Variants in SARDH observed in about 807,000 individuals in gnomAD.
The protein encoded by SARDH is sarcosine dehydrogenase.
In SARDH, 95 loss-of-function variants were observed where a neutral mutation model predicts 109.1. The observed-to-expected ratio is 0.87, with a 90% CI of 0.74 to 1.03. The LOEUF is 1.03. SARDH is among the 50% of genes least tolerant of loss of function. The probability of loss-of-function intolerance (pLI) is 0.00; values close to 1 mark genes in which losing one functional copy is unlikely to be tolerated. For synonymous variants in SARDH, 572 were observed against 534.8 expected, an observed-to-expected ratio of 1.07 and a Z score of -0.96; for missense variants, 1,267 against 1,287.8, an observed-to-expected ratio of 0.98 and a Z score of 0.25.
chr9:133,701,115 G>C (rs1433240227), intron 13 of SARDH, among the ~76,000 whole-genome samples: 1 of 152,250 alleles, frequency 6.6e-6, no homozygotes, highest in Non-Finnish European at 1.5e-5. Context: ...GTGCAGGGGT[G>C]CACTGACCCT....
At chr9:133,669,504 C>T (rs1195780167) in intron 19 of SARDH, among the ~76,000 whole-genome samples, 2 of 151,534 alleles carry the variant, frequency 1.3e-5, no homozygotes, top group African/African-American at 2.4e-5. Context: ...CACGGGAGGG[C>T]CTCTGATCAG....
intron 20 of SARDH, among the ~76,000 whole-genome samples, chr9:133,665,542 A>G (rs1277535962): frequency 6.6e-6 from 1 of 152,220 alleles, no homozygotes; most frequent in Non-Finnish European, 1.5e-5. Flanking sequence ...CTGAGGCTCC[A>G]AGAGAGGATC....
intron 15 of SARDH, 125 bp downstream of exon 15, chr9:133,694,133 G>A (rs1031130735): frequency 3.8e-5 from 26 of 684,708 alleles, no homozygotes; most frequent in South Asian, 2.0e-4. Context: ...TGACCACAGC[G>A]GGCACAACAG....
chr9:133,723,685 C>CTT (rs1832399613), intron 6 of SARDH, among the ~76,000 whole-genome samples: 1 of 152,176 alleles, frequency 6.6e-6, no homozygotes, highest in African/African-American at 2.4e-5. Flanking sequence ...ATGGCATGAA[C>CTT]CCAGGAGGCA....
At chr9:133,701,706 G>T (rs1481751855) in intron 13 of SARDH, among the ~76,000 whole-genome samples, 1 of 152,196 alleles carries the variant, frequency 6.6e-6, no homozygotes, top group Non-Finnish European at 1.5e-5. Flanking sequence ...GCACTGAGCC[G>T]GCCCTGCTGC....
At chr9:133,665,079 ACTGTAGCATTTGCCCATTT>A (rs1268526585) in intron 20 of SARDH, among the ~76,000 whole-genome samples, 1 of 143,430 alleles carries the variant, frequency 7.0e-6, no homozygotes, top group African/African-American at 2.6e-5. Context: ...GGTGGGTGTG[ACTGTAGCATTTGCCCATTT>A]CCATGGTGCA....
Position 133,723,817 on chromosome 9 carries a change from G to A in SARDH, c.916-4775C>T, listed in dbSNP as rs145507979. Among the ~76,000 whole-genome samples the A allele has an allele frequency of 9.0e-3, 1,366 of 152,244 alleles. 18 individuals are homozygous for A. The highest frequency in any genetic ancestry group is 0.031 in the African/African-American group (1,273 of 41,548). On this transcript the variant is annotated intron_variant, in intron 6 of 20. Transcript: ENST00000439388. ...CTTCTTCAGAGTCAATTGATTTTCA[G>A]CAAGGGTGCTAAGACAATTCCTTGG...
chr9:133,720,903 T>C (rs1430721923), intron 6 of SARDH, among the ~76,000 whole-genome samples: 1 of 152,088 alleles, frequency 6.6e-6, no homozygotes, highest in East Asian at 1.9e-4. Context: ...TTAAATGAGA[T>C]ATGATAGTCA....
chr9:133,696,839 G>A (rs1831305507), intron 13 of SARDH, among the ~76,000 whole-genome samples: 1 of 152,172 alleles, frequency 6.6e-6, no homozygotes. Flanking sequence ...GATGCTCACA[G>A]GGAAATTTCT....
Position 133,670,791 on chromosome 9 carries a change from G to C in SARDH, c.2327-39C>G, listed in dbSNP as rs200173206. On this transcript the variant is annotated intron_variant, in intron 18 of 20. Transcript: ENST00000439388. Reference sequence around the variant, plus strand: ...ATCCATGGGGTCGGTGCCACCCTGAGGGGGATAAGCCCTTCAGGAGATGCA... The same window carrying C: ...ATCCATGGGGTCGGTGCCACCCTGACGGGGATAAGCCCTTCAGGAGATGCA... 1.9e-4 allele frequency: 286 copies of C among 1,528,088 alleles called. 1 individual carries two copies. In the African/African-American group the frequency reaches 3.5e-3, roughly 19 times the overall value. The allele number at this position is 1,528,088 out of a possible 1,614,324, so 94.7% of individuals were successfully genotyped here. A position where few individuals can be genotyped will look rare whatever the true frequency, so the allele number is the denominator to read the frequency against.
At chr9:133,662,990 T>C (rs1040511525), downstream of SARDH, among the ~76,000 whole-genome samples, 9 of 151,966 alleles carry the variant, frequency 5.9e-5, no homozygotes, top group Non-Finnish European at 1.2e-4. This position sits in a 1 kb window ranked among gnomAD's most constrained non-coding sequence, Gnocchi z 5.1. Context: ...AGCCACCCCA[T>C]CTCAAGGCAG....
chr9:133,674,759 A>G (rs2131342657), intron 17 of SARDH, among the ~76,000 whole-genome samples: 1 of 152,328 alleles, frequency 6.6e-6, no homozygotes, highest in East Asian at 1.9e-4. Flanking sequence ...CAAAGACACA[A>G]GGGTAAGATC....
intron 3 of SARDH, 23 bp downstream of exon 3, chr9:133,732,400 G>GC (rs749929737): frequency 6.6e-6 from 5 of 763,106 alleles, no homozygotes; most frequent in African/African-American, 3.0e-5. Context: ...CCCCCTCCTT[G>GC]CCCCCCGCAG....
intron 13 of SARDH, 67 bp from the exon 14 acceptor site, chr9:133,696,428 T>C: frequency 6.2e-7 from 1 of 1,606,532 alleles, no homozygotes. Context: ...CTCAAGAACG[T>C]GGAGAACGGG....
Position 133,663,845 on chromosome 9 carries a change from G to A in SARDH, c.*44C>T, listed in dbSNP as rs1829962742. ...GGACCCAGGGCCATTTGGGACCTGT[G>A]AGAATGGATGGACAGCATGGGATGG... On this transcript the variant is annotated 3_prime_UTR_variant, in exon 21 of 21. Transcript: ENST00000439388. 6 of 1,610,058 alleles carry A rather than the reference G, an allele frequency of 3.7e-6. No individual in the cohort carries two copies. In the East Asian group the frequency reaches 1.3e-4, roughly 36 times the overall value.
chr9:133,710,990 A>T (rs1423766960), intron 10 of SARDH, among the ~76,000 whole-genome samples: 1 of 152,168 alleles, frequency 6.6e-6, no homozygotes, highest in Non-Finnish European at 1.5e-5. Context: ...TCCAGCTCTC[A>T]GGGGCTCCCC....
In SARDH at chr9:133,718,987, T is replaced by G. The variant is rs1409738520; in HGVS notation, c.971A>C (p.Asp324Ala). ...DASVYLRLQG[D>A]ALSVGGYEAN... is the part of the protein sequence containing the mutation. ...CTCATAGCCACCCACAGACAAGGCATCCCCTTGGAGGCGGAGGTAGACAGA... is the reference window on the plus strand; with the variant it reads ...CTCATAGCCACCCACAGACAAGGCAGCCCCTTGGAGGCGGAGGTAGACAGA... Residue 324 changes from aspartate (D) to alanine (A), a missense_variant, in exon 7 of 21, where the codon GAT becomes GCT. Transcript: ENST00000439388. The surrounding 1 kb of genome is among the most constrained non-coding windows in gnomAD (Gnocchi z 4.2). 1.9e-6 allele frequency: 3 copies of G among 1,613,988 alleles called. No individual in the cohort carries two copies. The highest frequency in any genetic ancestry group is 2.5e-6 in the Non-Finnish European group (3 of 1,180,010).
chr9:133,679,304 G>A (rs1445390665), intron 17 of SARDH, among the ~76,000 whole-genome samples: 1 of 152,258 alleles, frequency 6.6e-6, no homozygotes, highest in Non-Finnish European at 1.5e-5. Context: ...CTGGAACTCA[G>A]CTGGTCTCTG....
Position 133,666,411 on chromosome 9 carries a change from C to G in SARDH, c.2631+324G>C, listed in dbSNP as rs1055971839. Among the ~76,000 whole-genome samples, 1 of 152,194 alleles carries G rather than the reference C, an allele frequency of 6.6e-6. No individual in the cohort carries two copies. Among genetic ancestry groups the G allele is most frequent in the Non-Finnish European group, 1.5e-5 (1 of 68,026 alleles). On this transcript the variant is annotated intron_variant, in intron 20 of 20. Coordinates refer to ENST00000439388, the MANE Select transcript of SARDH (RefSeq NM_001134707.2). The surrounding 1 kb of genome is among the most constrained non-coding windows in gnomAD (Gnocchi z 5.2). ...AAGTCGGATTCTTCCAGAAAGAAAA[C>G]AGAGAGCAGCTTTGGCTCTGCCCAG...
Sources: allele counts gnomAD v4.1 joint callset (sites outside exome capture counted in the v4.1 genomes callset), GRCh38; gene constraint gnomAD v4.1.1; non-coding constraint Gnocchi (gnomAD v3.1); transcripts MANE v1.5; gene names NCBI Gene and HGNC (gene_info 2026-07-23, HGNC 2026-07-21).